The following VTCN1 variants were observed in gnomAD, a reference collection of about 807,000 sequenced individuals.
VTCN1 encodes the protein V-set domain-containing T-cell activation inhibitor 1.
VTCN1 carries 26 observed loss-of-function variants against 26.5 expected under a neutral mutation model. The ratio of observed to expected loss-of-function variants is 0.98; its 90% CI spans 0.72 to 1.36. The LOEUF (loss-of-function observed/expected upper bound fraction) is 1.36. Ranked by LOEUF, VTCN1 falls within the 40% of genes most tolerant of loss-of-function variation. The pLI is 0.00. For missense variants in VTCN1, 298 were observed against 337.7 expected (o/e 0.88, Z 0.92); for synonymous variants, 116 against 130.7 (o/e 0.89, Z 0.77).
intron 2 of VTCN1, among the ~76,000 whole-genome samples, chr1:117,160,207 C>T (rs1308305504): frequency 1.3e-5 from 2 of 152,162 alleles, no homozygotes; most frequent in Non-Finnish European, 2.9e-5. Context: ...ATCCCCAGAG[C>T]TGTCTTGGAT....
rs901052940 is a variant in VTCN1 at position 117,159,480 on chromosome 1, T to A, written c.98-2559A>T. On this transcript the variant is annotated intron_variant, in intron 2 of 5. Transcript: ENST00000369458. The surrounding 1 kb of genome is among the most constrained non-coding windows in gnomAD (Gnocchi z 4.7). Reference sequence around the variant, plus strand: ...ATGATTCAAATGATCTCCCACCAGGTCCCTCCCACAACACATGGGAATTAT... The same window carrying A: ...ATGATTCAAATGATCTCCCACCAGGACCCTCCCACAACACATGGGAATTAT... Among the ~76,000 whole-genome samples, 9 of 152,210 alleles carry A rather than the reference T, an allele frequency of 5.9e-5. No homozygotes were observed. The highest frequency in any genetic ancestry group is 1.2e-4 in the Non-Finnish European group (8 of 68,038).
chr1:117,191,475 C>T (rs1648242173), intron 1 of VTCN1, among the ~76,000 whole-genome samples: 1 of 152,044 alleles, frequency 6.6e-6, no homozygotes, highest in Admixed American at 6.6e-5. Flanking sequence ...GCAACATAGC[C>T]AGATAGCCAG....
In VTCN1 at chr1:117,193,939, G is replaced by T. The variant is rs188547075; in HGVS notation, c.32+16885C>A. Among the ~76,000 whole-genome samples, 13 of 152,068 alleles carry T rather than the reference G, an allele frequency of 8.5e-5. No homozygotes were observed. In the East Asian group the frequency reaches 1.5e-3, roughly 18 times the overall value. ...TACCAGAAGAAAATATAGGAAAAAAGCTCCCTTTGATGTTGGTTTTGGCAA... is the reference window on the plus strand; with the variant it reads ...TACCAGAAGAAAATATAGGAAAAAATCTCCCTTTGATGTTGGTTTTGGCAA... On this transcript the variant is annotated intron_variant, in intron 1 of 5. Transcript: ENST00000369458.
Position 117,147,655 on chromosome 1 carries a change from A to G in VTCN1, c.*3T>C. ...TTGCATGCTTTTTTGTGGCCGAGGC[A>G]CATTATTTTAGCATCAGGTAAGGGC... On this transcript the variant is annotated 3_prime_UTR_variant, in exon 5 of 6. Transcript: ENST00000369458. This position sits in a 1 kb window ranked among gnomAD's most constrained non-coding sequence, Gnocchi z 4.6. 1 of 1,612,666 alleles carries G rather than the reference A, an allele frequency of 6.2e-7. No individual in the cohort carries two copies. Among genetic ancestry groups the G allele is most frequent in the Non-Finnish European group, 8.5e-7 (1 of 1,179,550 alleles).
chr1:117,189,683 T>C (rs925044279), intron 1 of VTCN1, among the ~76,000 whole-genome samples: 1 of 152,218 alleles, frequency 6.6e-6, no homozygotes, highest in Non-Finnish European at 1.5e-5. Flanking sequence ...TAGTTATCGA[T>C]AGCTAGGTAA....
At position 117,147,628 on chromosome 1, in the gene VTCN1, C is replaced by G; in HGVS notation, c.*30G>C. The G allele has an allele frequency of 1.2e-6, 2 of 1,609,636 alleles. No homozygotes were observed. Among genetic ancestry groups the G allele is most frequent in the Non-Finnish European group, 1.7e-6 (2 of 1,178,666 alleles). On this transcript the variant is annotated 3_prime_UTR_variant, in exon 5 of 6. Transcript: ENST00000369458. The surrounding 1 kb of genome is among the most constrained non-coding windows in gnomAD (Gnocchi z 4.6). Reference sequence around the variant, plus strand: ...TTAATCTCACCTGTTGTAACAATGACTTTGCATGCTTTTTTGTGGCCGAGG... The same window carrying G: ...TTAATCTCACCTGTTGTAACAATGAGTTTGCATGCTTTTTTGTGGCCGAGG...
At position 117,156,325 on chromosome 1, in the gene VTCN1, A is replaced by G. The variant is rs544599323; in HGVS notation, c.445+249T>C. ...AAAAGAGGCTACATTTATTTTGTTG[A>G]ATAGAGAACACACCTGGAAATTCTG... On this transcript the variant is annotated intron_variant, in intron 3 of 5. Transcript: ENST00000369458. 2.0e-5 allele frequency among the ~76,000 whole-genome samples: 3 copies of G among 152,290 alleles called. No homozygotes were observed. In the South Asian group the frequency reaches 6.2e-4, roughly 32 times the overall value.
At chr1:117,188,874 A>G (rs1648097917) in intron 1 of VTCN1, among the ~76,000 whole-genome samples, 1 of 152,216 alleles carries the variant, frequency 6.6e-6, no homozygotes, top group Non-Finnish European at 1.5e-5. Flanking sequence ...AACAATTACA[A>G]TTAACTAAAT....
intron 1 of VTCN1, among the ~76,000 whole-genome samples, chr1:117,199,925 C>T (rs1023697497): frequency 4.6e-5 from 7 of 152,162 alleles, no homozygotes; most frequent in Non-Finnish European, 1.5e-5. Flanking sequence ...TGAGCCACCA[C>T]GCCCAGCCTG....
At chr1:117,182,929 C>T (rs1445378824) in intron 1 of VTCN1, among the ~76,000 whole-genome samples, 1 of 152,124 alleles carries the variant, frequency 6.6e-6, no homozygotes. Context: ...CTGACACTGA[C>T]CTGGAGATGG....
chr1:117,179,609 G>A (rs1165202247), intron 1 of VTCN1, among the ~76,000 whole-genome samples: 1 of 152,136 alleles, frequency 6.6e-6, no homozygotes, highest in Admixed American at 6.5e-5. Context: ...AAACACACAG[G>A]GGGTGGGAAA....
intron 1 of VTCN1, among the ~76,000 whole-genome samples, chr1:117,207,629 C>T (rs1649127189): frequency 6.6e-6 from 1 of 152,156 alleles, no homozygotes; most frequent in Non-Finnish European, 1.5e-5. Context: ...GCCTCATGCC[C>T]TCTGCTGCCC....
Position 117,156,752 on chromosome 1 carries a change from C to T in VTCN1, c.267G>A (p.Glu89=). ...TGAACATTTCATCCTGCTCCGACAG[C>T]TCATCTTTGCCTTCTTTGAACTCAT... ...LVHEFKEGKD[E]LSEQDEMFRG... The change falls in exon 3 of 6, where the codon GAG becomes GAA. Residue 89 remains glutamate, a synonymous_variant. Coordinates refer to ENST00000369458, the MANE Select transcript of VTCN1 (RefSeq NM_024626.4). 1.2e-6 allele frequency: 2 copies of T among 1,614,196 alleles called. No homozygotes were observed. The highest frequency in any genetic ancestry group is 1.7e-6 in the Non-Finnish European group (2 of 1,180,020).
chr1:117,193,257 C>A (rs544396691), intron 1 of VTCN1, among the ~76,000 whole-genome samples: 1 of 152,176 alleles, frequency 6.6e-6, no homozygotes, highest in African/African-American at 2.4e-5. Context: ...ACTTACCTAT[C>A]AATAACTACT....
At position 117,183,732 on chromosome 1, in the gene VTCN1, A is replaced by C. The variant is rs1047751021; in HGVS notation, c.33-13561T>G. 1.3e-5 allele frequency among the ~76,000 whole-genome samples: 2 copies of C among 152,218 alleles called. No individual in the cohort carries two copies. The highest frequency in any genetic ancestry group is 4.8e-5 in the African/African-American group (2 of 41,448). ...AAGAGTTAAATTTCCAGAATAGTGC[A>C]TACTAAATAGCCTTTAAAAAAATCC... On this transcript the variant is annotated intron_variant, in intron 1 of 5. Coordinates refer to ENST00000369458, the MANE Select transcript of VTCN1 (RefSeq NM_024626.4). The surrounding 1 kb of genome is among the most constrained non-coding windows in gnomAD (Gnocchi z 4.1).
Position 117,146,603 on chromosome 1 carries a change from GAGA to G in VTCN1, c.*45+1007_*45+1009del, listed in dbSNP as rs772029947. ...AGTGGGTATAAATTGCCACAGAGTA[GAGA>G]AGATTTCCAGGAAAAGACAGTGAGG... On this transcript the variant is annotated intron_variant, in intron 5 of 5. Transcript: ENST00000369458. This position sits in a 1 kb window ranked among gnomAD's most constrained non-coding sequence, Gnocchi z 4.2. Among the ~76,000 whole-genome samples the G allele has an allele frequency of 6.6e-6, 1 of 152,196 alleles. No individual in the cohort carries two copies. Among genetic ancestry groups the G allele is most frequent in the Non-Finnish European group, 1.5e-5 (1 of 68,028 alleles).
At chr1:117,206,029 A>G (rs549281933) in intron 1 of VTCN1, among the ~76,000 whole-genome samples, 3 of 152,262 alleles carry the variant, frequency 2.0e-5, no homozygotes, top group African/African-American at 7.2e-5. Context: ...TTAATGCTCT[A>G]TACTGGCATT....
At chr1:117,156,957 A>G (rs1258583271) in intron 2 of VTCN1, 36 bp from the exon 3 acceptor site, 1 of 1,613,388 alleles carries the variant, frequency 6.2e-7, no homozygotes, top group African/African-American at 1.3e-5. Context: ...TGCTAAGGGA[A>G]GCCTTGGAAC....
intron 4 of VTCN1, among the ~76,000 whole-genome samples, chr1:117,151,461 G>C (rs1651791148): frequency 6.6e-6 from 1 of 152,136 alleles, no homozygotes; most frequent in Admixed American, 6.5e-5. Flanking sequence ...ACAGACAGCA[G>C]CCCTACCGGG....
Sources: allele counts gnomAD v4.1 joint callset (sites outside exome capture counted in the v4.1 genomes callset), GRCh38; gene constraint gnomAD v4.1.1; non-coding constraint Gnocchi (gnomAD v3.1); transcripts MANE v1.5; gene names NCBI Gene and HGNC (gene_info 2026-07-23, HGNC 2026-07-21).